ING5: variants seen among roughly 807,000 people sequenced by gnomAD.
ING5 encodes inhibitor of growth family member 5, also known as inhibitor of growth protein 5.
A neutral mutation model predicts 37.4 loss-of-function variants in ING5; 17 were observed. The observed-to-expected ratio is 0.45, with a 90% CI of 0.31 to 0.68. The LOEUF is 0.68. Among genes scored for constraint, ING5 ranks in the 30% least tolerant of loss-of-function variants. The pLI, the probability that ING5 is intolerant of heterozygous loss-of-function variation, is 0.05. For synonymous variants in ING5, 123 were observed against 116.6 expected (o/e 1.06, Z -0.36); for missense variants, 233 against 311.9 (o/e 0.75, Z 1.91).
At position 241,711,397 on chromosome 2, in the gene ING5, G is replaced by T; in HGVS notation, c.297G>T (p.Arg99Ser). 3.9e-6 allele frequency: 6 copies of T among 1,548,112 alleles called. No homozygotes were observed. Among genetic ancestry groups the T allele is most frequent in the South Asian group, 1.2e-5 (1 of 81,774 alleles). ...TGTAGGTGGATAAACACATTCGAAG[G>T]CTTGATGCAGACCTGGCGCGCTTTG... The part of the protein sequence containing the change: ...TYEMVDKHIR[R>S]LDADLARFEA... The change falls in exon 4 of 8, where the codon AGG becomes AGT. Residue 99 changes from arginine to serine, a missense_variant. This residue lies in a region of ING5 where 19 missense variants were observed against 45.8 expected (regional missense o/e 0.41). Transcript: ENST00000313552.
At chr2:241,701,973 A>G, upstream of ING5, 1 of 853,060 alleles carries the variant, frequency 1.2e-6, no homozygotes, top group East Asian at 3.8e-5. Flanking sequence ...AGCGCGCGCG[A>G]CTCATGAATA....
intron 2 of ING5, among the ~76,000 whole-genome samples, chr2:241,708,429 G>C (rs767407666): frequency 3.5e-5 from 5 of 143,602 alleles, no homozygotes; most frequent in African/African-American, 1.0e-4. Context: ...GGATGGTCTC[G>C]ATCTCCTGAC....
chr2:241,700,906 G>T (rs2069707282), upstream of ING5, among the ~76,000 whole-genome samples: 2 of 150,626 alleles, frequency 1.3e-5, no homozygotes, highest in South Asian at 4.2e-4. Context: ...GATTACAGGC[G>T]TGAGCCACCG....
rs546741045 is a variant in ING5, at chr2:241,708,917, T to C, written c.110-299T>C. Among the ~76,000 whole-genome samples the C allele has an allele frequency of 5.3e-5, 8 of 152,326 alleles. No homozygotes were observed. The South Asian group carries it at 1.2e-3, about 24-fold the overall frequency. ...TATGCCAGGTCATAGGAAAGGTGGC[T>C]ACAAGTTATTCATACAGGATGTTTG... is the stretch of plus-strand genomic sequence containing the variant. On this transcript the variant is annotated intron_variant, in intron 2 of 7. Coordinates refer to ENST00000313552, the MANE Select transcript of ING5 (RefSeq NM_032329.6).
chr2:241,720,324 C>T (rs2070399336), intron 5 of ING5: 10 of 1,219,552 alleles, frequency 8.2e-6, no homozygotes, highest in Non-Finnish European at 9.2e-6. Flanking sequence ...CGCTCTGCCT[C>T]AAGGCAGGTC....
upstream of ING5, among the ~76,000 whole-genome samples, chr2:241,698,496 AGTGTGTGTGTGT>A (rs199798593): frequency 0.082 from 12,143 of 147,448 alleles, 489 homozygotes; most frequent in East Asian, 0.14. Context: ...ATAATAGAGG[AGTGTGTGTGTGT>A]GTGTGTGTGT....
Position 241,709,200 on chromosome 2 carries a change from C to T in ING5, c.110-16C>T. ...TGTCTTGTGCAGGGCTAGCTTTTCC[C>T]CCATTTCTCCATCAGATAAGAAAGC... On this transcript the variant is annotated splice_polypyrimidine_tract_variant and intron_variant, in intron 2 of 7. Coordinates refer to ENST00000313552, the MANE Select transcript of ING5 (RefSeq NM_032329.6). 1 of 1,604,648 alleles carries T rather than the reference C, an allele frequency of 6.2e-7. No individual in the cohort carries two copies. The highest frequency in any genetic ancestry group is 8.5e-7 in the Non-Finnish European group (1 of 1,174,512).
chr2:241,712,408 T>A, intron 5 of ING5: 1 of 245,314 alleles, frequency 4.1e-6, no homozygotes, highest in East Asian at 8.3e-5. Flanking sequence ...GAGCAACGTG[T>A]TGTTGACAGA....
At chr2:241,712,343 G>C in intron 5 of ING5, 1 of 373,994 alleles carries the variant, frequency 2.7e-6, no homozygotes, top group Non-Finnish European at 4.9e-6. Context: ...TCTGACTCCA[G>C]TGCCTGTCCT....
intron 1 of ING5, among the ~76,000 whole-genome samples, chr2:241,702,456 C>T (rs999110641): frequency 1.3e-5 from 2 of 152,028 alleles, no homozygotes; most frequent in Admixed American, 1.3e-4. Context: ...GGCCCCGGCC[C>T]CGCCAGGTCC....
At chr2:241,709,494 T>G in intron 3 of ING5, 112 bp downstream of exon 3, 1 of 978,644 alleles carries the variant, frequency 1.0e-6, no homozygotes, top group Non-Finnish European at 1.5e-6. Flanking sequence ...AAGGCTGGCT[T>G]TGGTAGCTGA....
chr2:241,703,883 G>A (rs774760603), intron 1 of ING5, among the ~76,000 whole-genome samples: 8 of 152,144 alleles, frequency 5.3e-5, no homozygotes, highest in Non-Finnish European at 1.0e-4. Flanking sequence ...TGGGATTACA[G>A]GTATGAGCCA....
At position 241,725,638 on chromosome 2, in the gene ING5, G is replaced by A. The variant is rs960475311; in HGVS notation, c.*607G>A. The A allele has an allele frequency of 6.6e-6, 1 of 152,616 alleles. No individual in the cohort carries two copies. Among genetic ancestry groups the A allele is most frequent in the South Asian group, 2.1e-4 (1 of 4,836 alleles). 9.5% of individuals were successfully genotyped at this position (152,616 alleles called of 1,614,324 possible). A position where few individuals can be genotyped will look rare whatever the true frequency, so the allele number is the denominator to read the frequency against. Reference sequence around the variant, plus strand: ...TCGCTGGCGCCGCCTTTTTAGCTTGGACTTCAGTCCTCCCTCGGGGACTCA... The same window carrying A: ...TCGCTGGCGCCGCCTTTTTAGCTTGAACTTCAGTCCTCCCTCGGGGACTCA... On this transcript the variant is annotated 3_prime_UTR_variant, in exon 8 of 8. Transcript: ENST00000313552.
chr2:241,701,917 GGAAGCTGAAAGGCGTGTCCGAC>G, upstream of ING5: 2 of 347,022 alleles, frequency 5.8e-6, no homozygotes, highest in Non-Finnish European at 9.9e-6. Flanking sequence ...GCCGCCCGCC[GGAAGCTGAAAGGCGTGTCCGAC>G]CCCGCCCCCG....
At chr2:241,695,848 G>C (rs1366932480) in intron 2 of ING5, among the ~76,000 whole-genome samples, 1 of 152,188 alleles carries the variant, frequency 6.6e-6, no homozygotes, top group Non-Finnish European at 1.5e-5. Flanking sequence ...GTTAAAGTCT[G>C]ATACACCACT....
Position 241,728,430 on chromosome 2 carries a change from G to A in ING5, c.*3399G>A, listed in dbSNP as rs1457316317. 1 of 152,756 alleles carries A rather than the reference G, an allele frequency of 6.5e-6. No individual in the cohort carries two copies. Among genetic ancestry groups the A allele is most frequent in the Non-Finnish European group, 1.5e-5 (1 of 68,126 alleles). The allele number at this position is 152,756 out of a possible 1,614,324, so 9.5% of individuals were successfully genotyped here. A position where few individuals can be genotyped will look rare whatever the true frequency, so the allele number is the denominator to read the frequency against. ...TGGCAGCTTCATCTGAGCCGAAGGT[G>A]TGGGTCCTCTGTGGCTGTGCGATTG... On this transcript the variant is annotated 3_prime_UTR_variant, in exon 8 of 8. Coordinates refer to ENST00000313552, the MANE Select transcript of ING5 (RefSeq NM_032329.6).
upstream of ING5, among the ~76,000 whole-genome samples, chr2:241,700,944 T>C (rs1302679880): frequency 1.3e-5 from 2 of 149,580 alleles, no homozygotes; most frequent in Admixed American, 6.8e-5. Flanking sequence ...ATTTTAATTA[T>C]GTTTCTCCAG....
chr2:241,703,191 TTGTG>T (rs1559299717), intron 1 of ING5, among the ~76,000 whole-genome samples: 1 of 152,132 alleles, frequency 6.6e-6, no homozygotes, highest in Admixed American at 6.5e-5. Context: ...AGGGTTGACT[TTGTG>T]TGTGTCTGGG....
At chr2:241,716,111 TA>T (rs1446418997) in intron 5 of ING5, among the ~76,000 whole-genome samples, 1 of 151,744 alleles carries the variant, frequency 6.6e-6, no homozygotes, top group Non-Finnish European at 1.5e-5. Context: ...TTCATTGCAA[TA>T]TTTGGTCTGT....
Sources: allele counts gnomAD v4.1 joint callset (sites outside exome capture counted in the v4.1 genomes callset), GRCh38; gene constraint gnomAD v4.1.1; regional missense constraint gnomAD v4.1.1; transcripts MANE v1.5; gene names NCBI Gene and HGNC (gene_info 2026-07-23, HGNC 2026-07-21).